Variants in SLC41A2 observed in about 807,000 individuals in gnomAD.
SLC41A2 encodes SLC41A1-like 1.
SLC41A2 carries 32 observed loss-of-function variants against 58.3 expected under a neutral mutation model. The ratio of observed to expected loss-of-function variants is 0.55; its 90% CI spans 0.41 to 0.74. The LOEUF (loss-of-function observed/expected upper bound fraction) is 0.74. Ranked by LOEUF, SLC41A2 falls within the 30% of genes least tolerant of loss-of-function variation. The pLI is 0.00. For synonymous variants in SLC41A2, 190 were observed against 235.0 expected (o/e 0.81, Z 1.75); for missense variants, 514 against 680.6 (o/e 0.76, Z 2.72).
chr12:104,899,997 A>C (rs982623697), intron 3 of SLC41A2, among the ~76,000 whole-genome samples: 1 of 152,084 alleles, frequency 6.6e-6, no homozygotes, highest in African/African-American at 2.4e-5. Context: ...TCTTATACTT[A>C]GATTTTGGAT....
At position 104,920,282 on chromosome 12, in the gene SLC41A2, C is replaced by T. The variant is rs116248428; in HGVS notation, c.555+7691G>A. On this transcript the variant is annotated intron_variant, in intron 2 of 10. Transcript: ENST00000258538. ...TGTTACAGCTATCCTATTTTCTTTCCGTTTGGATATGAATTTTAGAATAAT... is the reference window on the plus strand; with the variant it reads ...TGTTACAGCTATCCTATTTTCTTTCTGTTTGGATATGAATTTTAGAATAAT... Among the ~76,000 whole-genome samples the T allele has an allele frequency of 8.7e-3, 1,325 of 151,974 alleles. 18 individuals carry two copies. The highest frequency in any genetic ancestry group is 0.029 in the African/African-American group (1,216 of 41,418).
rs534182163 is a variant in SLC41A2 at position 104,942,650 on chromosome 12, A to G, written c.-167-13956T>C. On this transcript the variant is annotated intron_variant, in intron 1 of 10. Coordinates refer to ENST00000258538, the MANE Select transcript of SLC41A2 (RefSeq NM_001352171.3). The stretch of plus-strand genomic sequence containing the variant: ...AAAATAGTATTTTTGCTTTTCTTCA[A>G]TAAAAATTGAGCCAGCTTTTTTTAC... 2.0e-5 allele frequency among the ~76,000 whole-genome samples: 3 copies of G among 152,320 alleles called. 1 individual carries two copies. Among genetic ancestry groups the G allele is most frequent in the Admixed American group, 2.0e-4 (3 of 15,292 alleles).
chr12:104,878,688 A>G (rs1189425698), intron 6 of SLC41A2, among the ~76,000 whole-genome samples: 2 of 152,186 alleles, frequency 1.3e-5, no homozygotes, highest in Non-Finnish European at 2.9e-5. Flanking sequence ...TATATGTGCC[A>G]TATTTTCTTA....
intron 1 of SLC41A2, among the ~76,000 whole-genome samples, chr12:104,940,075 G>A (rs751802438): frequency 5.3e-4 from 80 of 151,756 alleles, no homozygotes; most frequent in Non-Finnish European, 9.6e-4. Flanking sequence ...GTGCAACGGC[G>A]TGATCTCGGC....
intron 10 of SLC41A2, among the ~76,000 whole-genome samples, chr12:104,819,350 T>C (rs943557198): frequency 3.3e-5 from 5 of 152,166 alleles, no homozygotes; most frequent in African/African-American, 9.7e-5. Flanking sequence ...TGTATCAAAA[T>C]TGTAGAATGC....
At chr12:104,867,509 A>G (rs937234232) in intron 6 of SLC41A2, among the ~76,000 whole-genome samples, 39 of 151,910 alleles carry the variant, frequency 2.6e-4, no homozygotes, top group Middle Eastern at 3.2e-3. Flanking sequence ...TGCAACCCTT[A>G]CCCCAACTCT....
chr12:104,949,509 C>A (rs547950034), intron 1 of SLC41A2, among the ~76,000 whole-genome samples: 15 of 152,228 alleles, frequency 9.9e-5, no homozygotes, highest in African/African-American at 3.4e-4. Flanking sequence ...GCAAATTATC[C>A]ACACAGTATT....
intron 10 of SLC41A2, among the ~76,000 whole-genome samples, chr12:104,842,058 C>T (rs955520675): frequency 1.3e-5 from 2 of 151,772 alleles, no homozygotes; most frequent in Non-Finnish European, 2.9e-5. Context: ...ATAAATTTAA[C>T]CTAGATCAAA....
At chr12:104,838,150 C>T (rs771252315) in intron 10 of SLC41A2, among the ~76,000 whole-genome samples, 5 of 152,166 alleles carry the variant, frequency 3.3e-5, no homozygotes, top group Non-Finnish European at 7.4e-5. Flanking sequence ...ACTGTCAATG[C>T]TCCTTTTGGT....
intron 10 of SLC41A2, among the ~76,000 whole-genome samples, chr12:104,816,437 G>A (rs1172342279): frequency 6.6e-6 from 1 of 152,128 alleles, no homozygotes; most frequent in Admixed American, 6.5e-5. Flanking sequence ...AGCATGCCAG[G>A]GTAAGACTCT....
intron 10 of SLC41A2, among the ~76,000 whole-genome samples, chr12:104,805,722 T>G (rs2040870044): frequency 6.6e-6 from 1 of 152,148 alleles, no homozygotes; most frequent in Admixed American, 6.6e-5. Context: ...TTTAACAGTC[T>G]CCTGCTGCAG....
At chr12:104,874,419 A>G (rs2043949927) in intron 6 of SLC41A2, among the ~76,000 whole-genome samples, 1 of 152,182 alleles carries the variant, frequency 6.6e-6, no homozygotes, top group South Asian at 2.1e-4. Flanking sequence ...AATCATTGCC[A>G]AAGTCAATGT....
chr12:104,905,020 G>T (rs2045759666), intron 3 of SLC41A2, among the ~76,000 whole-genome samples: 1 of 151,956 alleles, frequency 6.6e-6, no homozygotes, highest in Non-Finnish European at 1.5e-5. Context: ...AGAGCCGAGT[G>T]GCCTGTTTTG....
intron 3 of SLC41A2, among the ~76,000 whole-genome samples, chr12:104,902,113 TA>T (rs1429245324): frequency 6.6e-6 from 1 of 152,058 alleles, no homozygotes; most frequent in Non-Finnish European, 1.5e-5. Flanking sequence ...GTAAAATGTT[TA>T]AAAGCATTAT....
At chr12:104,957,094 T>C (rs1378708040) in intron 1 of SLC41A2, among the ~76,000 whole-genome samples, 2 of 152,180 alleles carry the variant, frequency 1.3e-5, no homozygotes, top group African/African-American at 2.4e-5. Flanking sequence ...CAAATGTGCA[T>C]AGCAGCATTA....
In SLC41A2 at chr12:104,811,564, CAG is replaced by C. The variant is rs1352770542; in HGVS notation, c.1537-6229_1537-6228del. ...TGAAATGAGCACAAGAAGGGATAAA[CAG>C]GAGTTACCAACCATATATATGATGC... is the stretch of plus-strand genomic sequence containing the variant. On this transcript the variant is annotated intron_variant, in intron 10 of 10. Transcript: ENST00000258538. 3.3e-5 allele frequency among the ~76,000 whole-genome samples: 5 copies of C among 152,274 alleles called. No homozygotes were observed. In the East Asian group the frequency reaches 9.6e-4, roughly 29 times the overall value.
rs185275918 is a variant in SLC41A2, at chr12:104,921,845, A to G, written c.555+6128T>C. 5.3e-4 allele frequency among the ~76,000 whole-genome samples: 81 copies of G among 152,364 alleles called. No individual in the cohort carries two copies. The East Asian group carries it at 0.015, about 28-fold the overall frequency. On this transcript the variant is annotated intron_variant, in intron 2 of 10. Coordinates refer to ENST00000258538, the MANE Select transcript of SLC41A2 (RefSeq NM_001352171.3). Reference sequence around the variant, plus strand: ...AGAGATAGGCAATATAAAAATGTGAAAATTGGAATAACCAAAGGTCAAAAA... The same window carrying G: ...AGAGATAGGCAATATAAAAATGTGAGAATTGGAATAACCAAAGGTCAAAAA...
chr12:104,883,650 G>T (rs1440801895), intron 6 of SLC41A2, among the ~76,000 whole-genome samples: 1 of 152,232 alleles, frequency 6.6e-6, no homozygotes, highest in African/African-American at 2.4e-5. Flanking sequence ...ACCAGCGGAG[G>T]CTGCAGAGCA....
chr12:104,928,420 G>T lies in SLC41A2; in HGVS notation c.108C>A (p.Asp36Glu). 6.4e-7 allele frequency: 1 copy of T among 1,554,708 alleles called. No homozygotes were observed. Among genetic ancestry groups the T allele is most frequent in the African/African-American group, 1.4e-5 (1 of 73,200 alleles). ...WTLRLNTIQS[D>E]KFLNLLLSMV... is the part of the protein sequence containing the mutation. ...TACTCAAGAGTAAATTTAAAAACTT[G>T]TCGGATTGAATTGTGTTTAAACGTA... Residue 36 changes from aspartate to glutamate, a missense_variant, in exon 2 of 11, where the codon GAC becomes GAA. This residue lies in a region of SLC41A2 where 336 missense variants were observed against 430.0 expected (regional missense o/e 0.78). Transcript: ENST00000258538.
Sources: allele counts gnomAD v4.1 joint callset (sites outside exome capture counted in the v4.1 genomes callset), GRCh38; gene constraint gnomAD v4.1.1; regional missense constraint gnomAD v4.1.1; transcripts MANE v1.5; gene names NCBI Gene and HGNC (gene_info 2026-07-23, HGNC 2026-07-21).